Variants in GPHN observed in about 807,000 individuals in gnomAD.
GPHN encodes the protein gephyrin.
A neutral mutation model predicts 95.5 loss-of-function variants in GPHN; 17 were observed. The ratio of observed to expected loss-of-function variants is 0.18; its 90% CI spans 0.12 to 0.27. The LOEUF is 0.27. GPHN is among the 10% of genes least tolerant of loss of function. The probability of loss-of-function intolerance (pLI) is 1.00; values close to 1 mark genes in which losing one functional copy is unlikely to be tolerated. For missense variants in GPHN, 660 were observed against 978.1 expected, an observed-to-expected ratio of 0.67 and a Z score of 4.34; for synonymous variants, 320 against 322.5, an observed-to-expected ratio of 0.99 and a Z score of 0.08.
intron 2 of GPHN, among the ~76,000 whole-genome samples, chr14:66,711,240 C>T (rs1210721654): frequency 1.3e-5 from 2 of 152,088 alleles, no homozygotes; most frequent in Non-Finnish European, 2.9e-5. Context: ...CATTCTTATG[C>T]CTTTGTGTCC....
At chr14:67,712,492 G>GAAA in the GPHN span, among the ~76,000 whole-genome samples, 1 of 8,840 alleles carries the variant, frequency 1.1e-4, no homozygotes, top group Non-Finnish European at 3.2e-4. Flanking sequence ...GAAAAAACTT[G>GAAA]CAAAAAAAAA....
chr14:67,369,917 G>A, the GPHN span, among the ~76,000 whole-genome samples: 12 of 152,200 alleles, frequency 7.9e-5, no homozygotes, highest in African/African-American at 2.9e-4. Flanking sequence ...CACAAATATA[G>A]GGGTGTGAAG....
chr14:67,058,601 A>G, intron 10 of GPHN, 48 bp from the exon 11 acceptor site: 4 of 1,541,462 alleles, frequency 2.6e-6, no homozygotes, highest in Non-Finnish European at 3.6e-6. Flanking sequence ...GCCACTTTTT[A>G]ATCAGTGTTA....
At chr14:67,067,947 T>A (rs1405545573) in intron 11 of GPHN, among the ~76,000 whole-genome samples, 1 of 152,154 alleles carries the variant, frequency 6.6e-6, no homozygotes, top group African/African-American at 2.4e-5. Context: ...CGACTCGCCC[T>A]CCATGGGCTG....
At chr14:67,725,031 C>T in the GPHN span, 1 of 1,560,162 alleles carries the variant, frequency 6.4e-7, no homozygotes, top group Non-Finnish European at 8.8e-7. Context: ...CAGTCCCAAG[C>T]TCACTTACTA....
At chr14:67,651,477 TCA>T in the GPHN span, 1 of 1,613,716 alleles carries the variant, frequency 6.2e-7, no homozygotes, top group Non-Finnish European at 8.5e-7. Flanking sequence ...TTGTTGGTTG[TCA>T]CTCTACAAAG....
At chr14:67,207,774 T>G in the GPHN span, among the ~76,000 whole-genome samples, 1 of 152,130 alleles carries the variant, frequency 6.6e-6, no homozygotes, top group Admixed American at 6.6e-5. Flanking sequence ...GTTCTAAGTC[T>G]TTTGACAAAA....
intron 9 of GPHN, among the ~76,000 whole-genome samples, chr14:66,990,944 A>C (rs1180046452): frequency 6.6e-6 from 1 of 151,990 alleles, no homozygotes; most frequent in Non-Finnish European, 1.5e-5. Context: ...TAATTAAATC[A>C]TTAATGCTTG....
the GPHN span, among the ~76,000 whole-genome samples, chr14:67,521,638 T>A: frequency 6.6e-6 from 1 of 152,292 alleles, no homozygotes; most frequent in East Asian, 1.9e-4. Context: ...AATGAAGAAC[T>A]CATGATTCTG....
intron 2 of GPHN, among the ~76,000 whole-genome samples, chr14:66,763,249 T>A (rs1295465796): frequency 6.6e-6 from 1 of 150,750 alleles, no homozygotes; most frequent in Non-Finnish European, 1.5e-5. Flanking sequence ...TTTTTATTAT[T>A]ATTATTATAC....
At chr14:66,669,510 A>T (rs1446451684) in intron 1 of GPHN, among the ~76,000 whole-genome samples, 4 of 138,196 alleles carry the variant, frequency 2.9e-5, no homozygotes, top group African/African-American at 2.9e-5. Flanking sequence ...ATTTTTTTTT[A>T]AATGTATCCT....
the GPHN span, chr14:67,572,260 G>C: frequency 1.2e-6 from 2 of 1,602,994 alleles, no homozygotes; most frequent in East Asian, 2.2e-5. Flanking sequence ...CTCCACCGAC[G>C]GGCTGGGCCT....
At chr14:67,011,388 C>T (rs1003155676) in intron 9 of GPHN, among the ~76,000 whole-genome samples, 1 of 147,934 alleles carries the variant, frequency 6.8e-6, no homozygotes. Flanking sequence ...GCCTGGACAA[C>T]ATAGGGTGAC....
At chr14:66,626,962 T>G (rs1017010640) in intron 1 of GPHN, among the ~76,000 whole-genome samples, 1 of 152,044 alleles carries the variant, frequency 6.6e-6, no homozygotes, top group Non-Finnish European at 1.5e-5. Context: ...GAGATTTGCT[T>G]TATTGAGATT....
the GPHN span, among the ~76,000 whole-genome samples, chr14:67,465,060 C>T: frequency 1.3e-5 from 2 of 152,312 alleles, no homozygotes; most frequent in East Asian, 3.9e-4. Flanking sequence ...GCAGGGAGGT[C>T]CTGGTGCACA....
At chr14:67,207,759 T>A in the GPHN span, among the ~76,000 whole-genome samples, 1 of 152,122 alleles carries the variant, frequency 6.6e-6, no homozygotes, top group Non-Finnish European at 1.5e-5. Flanking sequence ...AAGTTTTAGA[T>A]ACAGGTTCTA....
At chr14:67,341,147 G>A in the GPHN span, among the ~76,000 whole-genome samples, 6 of 152,170 alleles carry the variant, frequency 3.9e-5, no homozygotes, top group African/African-American at 1.4e-4. Context: ...CGTCTGGGAT[G>A]TGAGGAGCCC....
At chr14:67,206,192 A>G in the GPHN span, among the ~76,000 whole-genome samples, 6 of 151,884 alleles carry the variant, frequency 4.0e-5, no homozygotes, top group South Asian at 1.3e-3. Context: ...AAAAAACACA[A>G]AACAAAAGAA....
chr14:67,664,334 G>A, the GPHN span, among the ~76,000 whole-genome samples: 8 of 152,110 alleles, frequency 5.3e-5, no homozygotes, highest in Non-Finnish European at 5.9e-5. Context: ...CCATTAAGTG[G>A]AATCATACAA....
Sources: gnomAD v4.1 joint callset for allele counts (sites outside exome capture counted in the v4.1 genomes callset) on GRCh38, gnomAD v4.1.1 for gene constraint, MANE v1.5 for transcripts, NCBI Gene and HGNC (gene_info 2026-07-23, HGNC 2026-07-21) for gene names.